TPTE: variants seen among roughly 807,000 people sequenced by gnomAD.
TPTE encodes putative tyrosine-protein phosphatase TPTE.
A neutral mutation model predicts 84.1 loss-of-function variants in TPTE; 59 were observed. The observed-to-expected ratio is 0.70, with a 90% confidence interval of 0.57 to 0.87. The LOEUF is 0.87. Ranked by LOEUF, TPTE falls within the 40% of genes least tolerant of loss-of-function variation. TPTE has a pLI of 0.00. For missense variants in TPTE, 382 were observed against 659.6 expected (o/e 0.58, Z 4.61); for synonymous variants, 130 against 223.5 (o/e 0.58, Z 3.73).
chr21:10,575,547 C>T (rs1232739642), intron 14 of TPTE, among the ~76,000 whole-genome samples: 2 of 152,306 alleles, frequency 1.3e-5, no homozygotes, highest in Admixed American at 6.5e-5. Flanking sequence ...TCCCTGATCC[C>T]ATGCCTCCTG....
At chr21:10,562,220 G>A (rs1384961637) in intron 10 of TPTE, among the ~76,000 whole-genome samples, 1 of 152,306 alleles carries the variant, frequency 6.6e-6, no homozygotes, top group Non-Finnish European at 1.5e-5. Context: ...TTAGATCACA[G>A]TATCCAAGTT....
At position 10,584,396 on chromosome 21, in the gene TPTE, G is replaced by T. The variant is rs369667663; in HGVS notation, c.1027+5791G>T. Among the ~76,000 whole-genome samples the T allele has an allele frequency of 2.6e-5, 4 of 152,106 alleles. No individual in the cohort carries two copies. The East Asian group carries it at 5.8e-4, about 22-fold the overall frequency. ...CTGTCACCCAGGCTGGAATGCAGTG[G>T]CATGATCATGGCTCACTACAGCCTC... On this transcript the variant is annotated intron_variant, in intron 17 of 23. Transcript: ENST00000618007.
intron 10 of TPTE, among the ~76,000 whole-genome samples, chr21:10,561,432 C>T (rs1254093290): frequency 1.3e-5 from 2 of 150,506 alleles, no homozygotes; most frequent in African/African-American, 2.5e-5. Context: ...GCAGAAGTTG[C>T]ATTGAGCCGA....
At chr21:10,560,956 A>G in intron 9 of TPTE, 74 bp from the exon 10 acceptor site, 1 of 1,528,610 alleles carries the variant, frequency 6.5e-7, no homozygotes, top group Non-Finnish European at 8.8e-7. Context: ...TGGCTTAAAT[A>G]TAGTATAGCT....
Position 10,602,168 on chromosome 21 carries a change from A to C in TPTE, c.1449+18A>C, listed in dbSNP as rs2145808104. On this transcript the variant is annotated intron_variant, in intron 22 of 23. Transcript: ENST00000618007. Reference sequence around the variant, plus strand: ...TCTATTCGGTGAGTAATCACAAAGTAGCCTCTGCCATTGTTCTTGTCTGGT... The same window carrying C: ...TCTATTCGGTGAGTAATCACAAAGTCGCCTCTGCCATTGTTCTTGTCTGGT... 6.3e-7 allele frequency: 1 copy of C among 1,597,432 alleles called. No homozygotes were observed. Among genetic ancestry groups the C allele is most frequent in the Non-Finnish European group, 8.6e-7 (1 of 1,164,788 alleles).
At chr21:10,527,862 G>T (rs1310504895) in intron 3 of TPTE, among the ~76,000 whole-genome samples, 1 of 152,302 alleles carries the variant, frequency 6.6e-6, no homozygotes, top group African/African-American at 2.4e-5. Flanking sequence ...GAGAAGCAAA[G>T]ATATCTGTGA....
chr21:10,565,712 C>G (rs1402333373), intron 10 of TPTE, among the ~76,000 whole-genome samples: 13 of 152,422 alleles, frequency 8.5e-5, no homozygotes, highest in African/African-American at 1.9e-4. Flanking sequence ...CACACACTTA[C>G]AGTGAACTCA....
At chr21:10,571,109 G>T (rs1236062485) in intron 14 of TPTE, among the ~76,000 whole-genome samples, 42 of 152,308 alleles carry the variant, frequency 2.8e-4, no homozygotes, top group African/African-American at 8.4e-4. Context: ...CCCATAACTA[G>T]CAAAGCCACT....
intron 23 of TPTE, among the ~76,000 whole-genome samples, chr21:10,603,976 GTGT>G (rs1189986445): frequency 1.3e-5 from 2 of 152,312 alleles, no homozygotes; most frequent in Non-Finnish European, 2.9e-5. Flanking sequence ...CTGTCAGTAG[GTGT>G]TGATTTACCA....
In TPTE at chr21:10,552,855, G is replaced by A. The variant is rs147204198; in HGVS notation, c.233+139G>A. On this transcript the variant is annotated intron_variant, in intron 8 of 23. Coordinates refer to ENST00000618007, the MANE Select transcript of TPTE (RefSeq NM_199261.4). Reference sequence around the variant, plus strand: ...AAATGTATGGGTGGGAGTGTACACCGTATTTACTCCAGTTGAATTCTTAGA... The same window carrying A: ...AAATGTATGGGTGGGAGTGTACACCATATTTACTCCAGTTGAATTCTTAGA... 986 of 1,404,420 alleles carry A rather than the reference G, an allele frequency of 7.0e-4. No individual in the cohort carries two copies. The African/African-American group carries it at 9.3e-3, about 13-fold the overall frequency. The allele number at this position is 1,404,420 out of a possible 1,614,324, so 87.0% of individuals were successfully genotyped here. A position where few individuals can be genotyped will look rare whatever the true frequency, so the allele number is the denominator to read the frequency against.
chr21:10,582,197 T>A (rs1483719907), intron 17 of TPTE, among the ~76,000 whole-genome samples: 6 of 152,306 alleles, frequency 3.9e-5, no homozygotes, highest in Non-Finnish European at 7.3e-5. Context: ...AATATTTGGG[T>A]CTTTAATCTA....
chr21:10,542,473 C>T (rs1195599917), intron 6 of TPTE, 25 bp downstream of exon 6: 2 of 1,608,690 alleles, frequency 1.2e-6, no homozygotes, highest in South Asian at 2.2e-5. Flanking sequence ...GTTAAAGTCA[C>T]CCGTCAGCAT....
At chr21:10,564,609 A>G (rs1568976983) in intron 10 of TPTE, among the ~76,000 whole-genome samples, 1 of 152,312 alleles carries the variant, frequency 6.6e-6, no homozygotes, top group Non-Finnish European at 1.5e-5. Flanking sequence ...TCAACAAGAT[A>G]CTAGAAAACT....
chr21:10,580,181 T>A (rs2075246115), intron 17 of TPTE, among the ~76,000 whole-genome samples: 1 of 152,312 alleles, frequency 6.6e-6, no homozygotes, highest in Non-Finnish European at 1.5e-5. Flanking sequence ...TTCAGGTTCT[T>A]TGCCCATTTT....
At chr21:10,538,515 C>A (rs993538718) in intron 3 of TPTE, among the ~76,000 whole-genome samples, 166 bp from the exon 4 acceptor site, 1 of 152,296 alleles carries the variant, frequency 6.6e-6, no homozygotes, top group African/African-American at 2.4e-5. Flanking sequence ...TCATATAAAT[C>A]CTCCTTTTTA....
intron 14 of TPTE, 129 bp downstream of exon 14, chr21:10,570,678 ATGG>A (rs1478341080): frequency 1.3e-6 from 2 of 1,553,798 alleles, no homozygotes; most frequent in Non-Finnish European, 1.8e-6. Context: ...AAAAATCATA[ATGG>A]ATTGATACCA....
chr21:10,592,461 C>A (rs1239723957), intron 19 of TPTE, 88 bp downstream of exon 19: 13 of 1,530,592 alleles, frequency 8.5e-6, no homozygotes, highest in Non-Finnish European at 9.9e-6. Context: ...AGACTCCTCT[C>A]CTTTGGTGAT....
chr21:10,537,253 A>G (rs1243235068), intron 3 of TPTE, among the ~76,000 whole-genome samples: 3 of 152,426 alleles, frequency 2.0e-5, no homozygotes, highest in East Asian at 1.9e-4. Context: ...GAGTAATTCA[A>G]ACCAGAAAGT....
chr21:10,525,870 T>G (rs2074069214), intron 2 of TPTE, among the ~76,000 whole-genome samples: 1 of 152,306 alleles, frequency 6.6e-6, no homozygotes, highest in Non-Finnish European at 1.5e-5. Flanking sequence ...CTCGTGCCCT[T>G]TTTGGAGATT....
Sources: gnomAD v4.1 joint callset for allele counts (sites outside exome capture counted in the v4.1 genomes callset) on GRCh38, gnomAD v4.1.1 for gene constraint, MANE v1.5 for transcripts, NCBI Gene and HGNC (gene_info 2026-07-23, HGNC 2026-07-21) for gene names.